The following CREB3L3 variants were observed in gnomAD, a reference collection of about 807,000 sequenced individuals.
CREB3L3 encodes the protein cAMP responsive element binding protein 3 like 3.
CREB3L3 carries 40 observed loss-of-function variants against 44.6 expected under a neutral mutation model. That is an observed-to-expected ratio of 0.90 (90% CI 0.70 to 1.17). The LOEUF is 1.17. Among genes scored for constraint, CREB3L3 ranks in the 50% most tolerant of loss-of-function variants. CREB3L3 has a pLI of 0.00. For synonymous variants in CREB3L3, 273 were observed against 256.3 expected, an observed-to-expected ratio of 1.06 and a Z score of -0.62; for missense variants, 578 against 595.8, an observed-to-expected ratio of 0.97 and a Z score of 0.31.
intron 5 of CREB3L3, among the ~76,000 whole-genome samples, chr19:4,165,749 C>T (rs906868505): frequency 1.3e-5 from 2 of 151,974 alleles, no homozygotes; most frequent in African/African-American, 4.8e-5. Flanking sequence ...TAAGGTGCTT[C>T]TCAGCCTCCC....
chr19:4,154,258 G>A (rs2145114258), intron 1 of CREB3L3, among the ~76,000 whole-genome samples: 1 of 152,066 alleles, frequency 6.6e-6, no homozygotes, highest in Non-Finnish European at 1.5e-5. Flanking sequence ...TTTTCCTAGA[G>A]ACAGGGTTTC....
chr19:4,162,791 C>A (rs551445545), intron 4 of CREB3L3, among the ~76,000 whole-genome samples: 1 of 152,114 alleles, frequency 6.6e-6, no homozygotes, highest in South Asian at 2.1e-4. Context: ...CCAGCCTGGG[C>A]AACAGAGTGA....
At chr19:4,156,195 C>CTCTT (rs113353318) in intron 2 of CREB3L3, among the ~76,000 whole-genome samples, 86,138 of 132,592 alleles carry the variant, frequency 0.65, 29,555 homozygotes, top group African/African-American at 0.75. Context: ...CTCTCTCTCT[C>CTCTT]TCTTTCTTAG....
Position 4,171,059 on chromosome 19 carries a change from G to A in CREB3L3, c.891-32G>A. The A allele has an allele frequency of 1.9e-6, 3 of 1,575,750 alleles. No homozygotes were observed. Among genetic ancestry groups the A allele is most frequent in the Non-Finnish European group, 2.6e-6 (3 of 1,144,990 alleles). On this transcript the variant is annotated intron_variant, in intron 7 of 9. Transcript: ENST00000078445. This position sits in a 1 kb window ranked among gnomAD's most constrained non-coding sequence, Gnocchi z 4.9. The stretch of plus-strand genomic sequence containing the variant: ...CGAGAAGCAGAACCGAGGCCCTTTA[G>A]GGCTCAGCGGAGGCCTGCCTGTCTC...
At chr19:4,168,635 A>G (rs1375903436) in intron 6 of CREB3L3, among the ~76,000 whole-genome samples, 178 bp downstream of exon 6, 2 of 152,182 alleles carry the variant, frequency 1.3e-5, no homozygotes, top group East Asian at 3.9e-4. Flanking sequence ...GTGATGGTGT[A>G]GGACAAGGGT....
chr19:4,160,387 T>C (rs1304213060), intron 4 of CREB3L3, among the ~76,000 whole-genome samples: 1 of 151,902 alleles, frequency 6.6e-6, no homozygotes, highest in African/African-American at 2.4e-5. Context: ...AAAAGTTTTT[T>C]TTGAGACAGG....
intron 2 of CREB3L3, among the ~76,000 whole-genome samples, chr19:4,156,182 TTC>T (rs770500194): frequency 0.26 from 20,035 of 76,896 alleles, 2,362 homozygotes; most frequent in East Asian, 0.48. Flanking sequence ...CCTCCCTTCC[TTC>T]CTCTCTCTCT....
chr19:4,157,343 C>T, intron 3 of CREB3L3, 48 bp downstream of exon 3: 1 of 1,599,890 alleles, frequency 6.3e-7, no homozygotes, highest in Non-Finnish European at 8.6e-7. Context: ...TGTTCCAGGG[C>T]CCTTCCTGTA....
At chr19:4,165,746 C>T (rs950037396) in intron 5 of CREB3L3, among the ~76,000 whole-genome samples, 2 of 151,802 alleles carry the variant, frequency 1.3e-5, no homozygotes, top group Admixed American at 6.6e-5. Flanking sequence ...CTGTAAGGTG[C>T]TTCTCAGCCT....
At chr19:4,164,988 C>T (rs368654741) in intron 5 of CREB3L3, among the ~76,000 whole-genome samples, 10 of 152,182 alleles carry the variant, frequency 6.6e-5, no homozygotes, top group African/African-American at 2.4e-4. Context: ...GGATTCCAGG[C>T]GTGAGCCACC....
At chr19:4,160,997 C>T (rs373477836) in intron 4 of CREB3L3, among the ~76,000 whole-genome samples, 21 of 150,580 alleles carry the variant, frequency 1.4e-4, no homozygotes, top group Middle Eastern at 3.5e-3. Context: ...CTGCAAGCTC[C>T]GCCTACCGGG....
At chr19:4,170,313 A>T (rs1290113825) in intron 7 of CREB3L3, 105 bp downstream of exon 7, 1 of 1,189,258 alleles carries the variant, frequency 8.4e-7, no homozygotes, top group Non-Finnish European at 1.3e-6. Flanking sequence ...ATAGGGAATA[A>T]GAGTTTTACC....
At position 4,165,402 on chromosome 19, in the gene CREB3L3, T is replaced by C. The variant is rs538946705; in HGVS notation, c.714+762T>C. 2.1e-3 allele frequency among the ~76,000 whole-genome samples: 322 copies of C among 151,254 alleles called. 2 individuals carry two copies. The highest frequency in any genetic ancestry group is 4.7e-3 in the African/African-American group (193 of 41,206). On this transcript the variant is annotated intron_variant, in intron 5 of 9. Coordinates refer to ENST00000078445, the MANE Select transcript of CREB3L3 (RefSeq NM_032607.3). ...GTTGCCCAGGCTGGGCTGGGACTCC[T>C]GGGTTCAAGTGATTCTCCCACCTTG...
At position 4,172,091 on chromosome 19, in the gene CREB3L3, G is replaced by C. The variant is rs184722314; in HGVS notation, c.*122G>C. 3.3e-5 allele frequency: 35 copies of C among 1,064,166 alleles called. No individual in the cohort carries two copies. The East Asian group carries it at 7.8e-4, about 24-fold the overall frequency. The allele number at this position is 1,064,166 out of a possible 1,614,324, so 65.9% of individuals were successfully genotyped here. A position where few individuals can be genotyped will look rare whatever the true frequency, so the allele number is the denominator to read the frequency against. ...AAGACCCCAGCAGAGATGCCAGAATGGGGGAGGCACAGCTCATAGCCACAC... is the reference window on the plus strand; with the variant it reads ...AAGACCCCAGCAGAGATGCCAGAATCGGGGAGGCACAGCTCATAGCCACAC... On this transcript the variant is annotated 3_prime_UTR_variant, in exon 10 of 10. Transcript: ENST00000078445.
At chr19:4,158,497 G>A (rs1230126694) in intron 3 of CREB3L3, among the ~76,000 whole-genome samples, 1 of 149,810 alleles carries the variant, frequency 6.7e-6, no homozygotes, top group East Asian at 2.0e-4. Flanking sequence ...ACTCTGTCTC[G>A]AAAAAAAGCC....
At chr19:4,154,815 G>A (rs1351568180) in intron 1 of CREB3L3, 84 bp from the exon 2 acceptor site, 28 of 1,599,828 alleles carry the variant, frequency 1.8e-5, no homozygotes, top group African/African-American at 6.7e-5. Context: ...AACTCTAGCC[G>A]GAAAGAGCCA....
At chr19:4,164,472 C>T (rs1269951640) in intron 4 of CREB3L3, 31 bp from the exon 5 acceptor site, 2 of 1,613,276 alleles carry the variant, frequency 1.2e-6, no homozygotes, top group African/African-American at 1.3e-5. Context: ...CGTCCCTGCA[C>T]CCGCCGTCAT....
chr19:4,169,084 A>G (rs1331669549), intron 6 of CREB3L3, among the ~76,000 whole-genome samples: 4 of 152,090 alleles, frequency 2.6e-5, no homozygotes, highest in Non-Finnish European at 5.9e-5. Context: ...ATCTTTATCC[A>G]GGGTCATTCC....
At chr19:4,162,362 T>A (rs999638457) in intron 4 of CREB3L3, among the ~76,000 whole-genome samples, 1 of 151,870 alleles carries the variant, frequency 6.6e-6, no homozygotes, top group Non-Finnish European at 1.5e-5. Flanking sequence ...TGCCTCAAAT[T>A]CCTAAGCTCA....
Sources: allele counts gnomAD v4.1 joint callset (sites outside exome capture counted in the v4.1 genomes callset), GRCh38; gene constraint gnomAD v4.1.1; non-coding constraint Gnocchi (gnomAD v3.1); transcripts MANE v1.5; gene names NCBI Gene and HGNC (gene_info 2026-07-23, HGNC 2026-07-21).